Variants in MYLK observed in about 807,000 individuals in gnomAD.
MYLK encodes the protein myosin light chain kinase, smooth muscle.
A neutral mutation model predicts 203.4 loss-of-function variants in MYLK; 106 were observed. The observed-to-expected ratio is 0.52, with a 90% CI of 0.45 to 0.61. The LOEUF is 0.61. MYLK is among the 20% of genes least tolerant of loss of function. The pLI is 0.00. For missense variants in MYLK, 2,072 were observed against 2,442.3 expected, an observed-to-expected ratio of 0.85 and a Z score of 3.20; for synonymous variants, 867 against 959.5, an observed-to-expected ratio of 0.90 and a Z score of 1.78.
rs559086851 is a variant in MYLK at position 123,858,355 on chromosome 3, G to A, written c.-127+18204C>T. Among the ~76,000 whole-genome samples the A allele has an allele frequency of 2.0e-5, 3 of 152,240 alleles. No homozygotes were observed. The South Asian group carries it at 6.2e-4, about 32-fold the overall frequency. On this transcript the variant is annotated intron_variant, in intron 2 of 33. Transcript: ENST00000360304. ...TTTCACCCATTCCCTTTGTCTCTTA[G>A]GTCCCCAGACAGCCTGAGATAGCCA... is the stretch of plus-strand genomic sequence containing the variant.
At chr3:123,702,541 T>G (rs1224710837) in intron 16 of MYLK, among the ~76,000 whole-genome samples, 1 of 152,208 alleles carries the variant, frequency 6.6e-6, no homozygotes, top group East Asian at 1.9e-4. Context: ...CTCATGCCCC[T>G]GGATGTGGCC....
At chr3:123,790,526 A>C (rs912875710) in intron 4 of MYLK, among the ~76,000 whole-genome samples, 1 of 152,118 alleles carries the variant, frequency 6.6e-6, no homozygotes, top group Non-Finnish European at 1.5e-5. Flanking sequence ...TTGAACCCCC[A>C]GGGGGTGCCT....
rs192978987 is a variant in MYLK at position 123,864,482 on chromosome 3, G to A, written c.-127+12077C>T. ...ACAAAAACAAGATGGACTGATTGACGATGGAAGGATGGACAGATAGGTGAT... is the reference window on the plus strand; with the variant it reads ...ACAAAAACAAGATGGACTGATTGACAATGGAAGGATGGACAGATAGGTGAT... On this transcript the variant is annotated intron_variant, in intron 2 of 33. Transcript: ENST00000360304. Among the ~76,000 whole-genome samples, 336 of 152,278 alleles carry A rather than the reference G, an allele frequency of 2.2e-3. 1 individual carries two copies. Among genetic ancestry groups the A allele is most frequent in the Non-Finnish European group, 3.8e-3 (261 of 68,020 alleles).
At chr3:123,633,853 G>A (rs1229773860) in intron 29 of MYLK, among the ~76,000 whole-genome samples, 2 of 152,078 alleles carry the variant, frequency 1.3e-5, no homozygotes, top group African/African-American at 2.4e-5. Flanking sequence ...GCGTGTATGT[G>A]TGTGGGTTTT....
intron 24 of MYLK, among the ~76,000 whole-genome samples, chr3:123,655,017 C>T (rs1458760369): frequency 6.6e-6 from 1 of 152,128 alleles, no homozygotes; most frequent in Non-Finnish European, 1.5e-5. Context: ...CACGCCCGGC[C>T]TCTTATCCTA....
intron 3 of MYLK, among the ~76,000 whole-genome samples, chr3:123,808,487 T>C (rs2065446252): frequency 6.6e-6 from 1 of 152,210 alleles, no homozygotes. Flanking sequence ...TTCAGATCAT[T>C]GTATAGGATA....
At chr3:123,780,800 C>T (rs533533749) in intron 4 of MYLK, among the ~76,000 whole-genome samples, 5 of 152,164 alleles carry the variant, frequency 3.3e-5, no homozygotes, top group East Asian at 3.8e-4. Flanking sequence ...TACCACGGGC[C>T]GGGCACTGTC....
chr3:123,664,083 G>T, intron 23 of MYLK, 22 bp downstream of exon 23: 1 of 1,613,666 alleles, frequency 6.2e-7, no homozygotes, highest in Non-Finnish European at 8.5e-7. Flanking sequence ...CAAGCTCCAT[G>T]CCACCCAGCC....
rs1180567416 is a variant in MYLK at position 123,735,411 on chromosome 3, C to A, written c.760G>T (p.Asp254Tyr). Residue 254 changes from aspartate (D) to tyrosine (Y), a missense_variant, in exon 9 of 34, where the codon GAC becomes TAC. Coordinates refer to ENST00000360304, the MANE Select transcript of MYLK (RefSeq NM_053025.4). ...MSAELSIQGL[D>Y]SANRSFVRET... ...GCCTAGACATACCTATTGGCACTGT[C>A]CAAACCTGGAAAAAGGGGGAAGGGT... 2 of 1,614,096 alleles carry A rather than the reference C, an allele frequency of 1.2e-6. No individual in the cohort carries two copies. The highest frequency in any genetic ancestry group is 1.7e-6 in the Non-Finnish European group (2 of 1,180,002).
chr3:123,651,029 C>T (rs545567020), intron 24 of MYLK, among the ~76,000 whole-genome samples: 8 of 152,076 alleles, frequency 5.3e-5, no homozygotes, highest in South Asian at 2.1e-4. Context: ...CTCTGGCTGT[C>T]GGCAGTCCAA....
At position 123,647,288 on chromosome 3, in the gene MYLK, G is replaced by A; in HGVS notation, c.4555C>T (p.Pro1519Ser). The A allele has an allele frequency of 6.2e-7, 1 of 1,614,228 alleles. No individual in the cohort carries two copies. The highest frequency in any genetic ancestry group is 8.5e-7 in the Non-Finnish European group (1 of 1,180,038). Reference sequence around the variant, plus strand: ...GCATCCACACACTGGACCAGCTTAGGGTGGTGGAGGCAGTTCATGATGCTA... The same window carrying A: ...GCATCCACACACTGGACCAGCTTAGAGTGGTGGAGGCAGTTCATGATGCTA... Reference protein sequence around the residue: ...EISIMNCLHHPKLVQCVDAFE... With the variant: ...EISIMNCLHHSKLVQCVDAFE... The change falls in exon 27 of 34, where the codon CCT (proline) becomes TCT (serine). Residue 1519 changes from proline (P) to serine (S), a missense_variant. This residue lies in a region of MYLK where 524 missense variants were observed against 782.4 expected (regional missense o/e 0.67). Transcript: ENST00000360304.
intron 2 of MYLK, among the ~76,000 whole-genome samples, chr3:123,867,475 C>G (rs1305926042): frequency 6.8e-6 from 1 of 148,082 alleles, no homozygotes; most frequent in African/African-American, 2.5e-5. Flanking sequence ...GACGCAGACA[C>G]ACAGAGAGGA....
At chr3:123,840,641 AAC>A (rs1254009932) in intron 2 of MYLK, among the ~76,000 whole-genome samples, 1 of 151,892 alleles carries the variant, frequency 6.6e-6, no homozygotes, top group African/African-American at 2.4e-5. Flanking sequence ...CATAAATATA[AAC>A]ACAAAAATCC....
chr3:123,768,696 C>G (rs377449246), intron 4 of MYLK, among the ~76,000 whole-genome samples: 1 of 152,220 alleles, frequency 6.6e-6, no homozygotes, highest in Non-Finnish European at 1.5e-5. Flanking sequence ...TCACTTACCT[C>G]CTTGTCGCAA....
At chr3:123,843,400 T>C (rs924730997) in intron 2 of MYLK, among the ~76,000 whole-genome samples, 1 of 152,156 alleles carries the variant, frequency 6.6e-6, no homozygotes, top group South Asian at 2.1e-4. Flanking sequence ...GAGATAAGAA[T>C]GAACATCCAG....
At chr3:123,777,799 C>G (rs1387928476) in intron 4 of MYLK, among the ~76,000 whole-genome samples, 4 of 152,204 alleles carry the variant, frequency 2.6e-5, no homozygotes, top group African/African-American at 9.7e-5. Flanking sequence ...AGCATCCAGA[C>G]AGCTCCTTGT....
intron 3 of MYLK, among the ~76,000 whole-genome samples, chr3:123,816,904 G>A (rs2065767998): frequency 6.6e-6 from 1 of 152,228 alleles, no homozygotes; most frequent in African/African-American, 2.4e-5. Flanking sequence ...GTGCAGTAGG[G>A]TGGGAAACAG....
At chr3:123,879,816 G>A (rs923201534) in intron 1 of MYLK, among the ~76,000 whole-genome samples, 2 of 152,016 alleles carry the variant, frequency 1.3e-5, no homozygotes, top group African/African-American at 4.8e-5. Flanking sequence ...CACCACACCT[G>A]GCTAATTTTT....
chr3:123,750,624 T>G (rs2063163789), intron 5 of MYLK, among the ~76,000 whole-genome samples: 1 of 152,232 alleles, frequency 6.6e-6, no homozygotes, highest in Non-Finnish European at 1.5e-5. Context: ...TGCAGAGGTT[T>G]AGAGTCACAC....
Sources: gnomAD v4.1 joint callset for allele counts (sites outside exome capture counted in the v4.1 genomes callset) on GRCh38, gnomAD v4.1.1 for gene constraint, gnomAD v4.1.1 regional missense constraint, MANE v1.5 for transcripts, NCBI Gene and HGNC (gene_info 2026-07-23, HGNC 2026-07-21) for gene names.